SLC22A16: variants seen among roughly 807,000 people sequenced by gnomAD.
SLC22A16 encodes the protein WUGSC:RG331P03.1.
Under a neutral mutation model 52.9 loss-of-function variants are expected in SLC22A16, and 53 were observed. That is an observed-to-expected ratio of 1.00 (90% CI 0.80 to 1.26). The LOEUF (loss-of-function observed/expected upper bound fraction) is 1.26. SLC22A16 is among the 50% of genes most tolerant of loss of function. The pLI is 0.00. For synonymous variants in SLC22A16, 291 were observed against 268.8 expected (o/e 1.08, Z -0.81); for missense variants, 726 against 704.0 (o/e 1.03, Z -0.35).
intron 2 of SLC22A16, among the ~76,000 whole-genome samples, chr6:110,449,296 C>T (rs1462788409): frequency 2.0e-5 from 3 of 151,916 alleles, no homozygotes; most frequent in Non-Finnish European, 2.9e-5. Context: ...GATGACCCGC[C>T]TGCCTCAAAG....
chr6:110,431,070 G>T, intron 7 of SLC22A16, 101 bp downstream of exon 7: 2 of 965,036 alleles, frequency 2.1e-6, no homozygotes, highest in Non-Finnish European at 3.3e-6. Context: ...ATTAGGAAAT[G>T]ATGTACTGGC....
At chr6:110,435,443 C>A (rs1372593015) in intron 6 of SLC22A16, among the ~76,000 whole-genome samples, 1 of 152,132 alleles carries the variant, frequency 6.6e-6, no homozygotes, top group East Asian at 1.9e-4. Context: ...GGACTTCCAG[C>A]CTCCAGTACT....
At position 110,442,334 on chromosome 6, in the gene SLC22A16, T is replaced by G. The variant is rs752723105; in HGVS notation, c.1093A>C (p.Ile365Leu). 1 of 1,614,184 alleles carries G rather than the reference T, an allele frequency of 6.2e-7. No homozygotes were observed. Among genetic ancestry groups the G allele is most frequent in the Non-Finnish European group, 8.5e-7 (1 of 1,180,024 alleles). The change falls in exon 4 of 8, where the codon ATC becomes CTC. Residue 365 changes from isoleucine (I) to leucine (L), a missense_variant. By Grantham distance (5) the Ile-to-Leu change is conservative (BLOSUM62 2). Transcript: ENST00000368919. ...AATCCCAAACTTCCAGTGAACCAGA[T>G]TAGCCAAACGGTAAGTGTCCTTTTC... ...ITKRTLTVWL[I>L]WFTGSLGFYS...
intron 6 of SLC22A16, among the ~76,000 whole-genome samples, chr6:110,433,919 CA>C (rs1774608323): frequency 6.6e-6 from 1 of 152,002 alleles, no homozygotes; most frequent in Admixed American, 6.6e-5. Context: ...CTTTAAAATA[CA>C]GGATCATTTT....
At chr6:110,473,939 T>C (rs1022744241) in intron 1 of SLC22A16, among the ~76,000 whole-genome samples, 1 of 152,062 alleles carries the variant, frequency 6.6e-6, no homozygotes, top group Non-Finnish European at 1.5e-5. Flanking sequence ...CCCCAGGCCA[T>C]AGACCAGACT....
intron 6 of SLC22A16, among the ~76,000 whole-genome samples, chr6:110,431,717 C>T (rs898158514): frequency 3.9e-5 from 6 of 152,094 alleles, no homozygotes; most frequent in East Asian, 1.9e-4. Context: ...CGTAAAAAAA[C>T]GTAAGCTTGA....
At chr6:110,461,735 ACCCTTGGC>A (rs1198784668) in intron 1 of SLC22A16, among the ~76,000 whole-genome samples, 2 of 151,992 alleles carry the variant, frequency 1.3e-5, no homozygotes, top group Non-Finnish European at 2.9e-5. Flanking sequence ...ACCCATAGAG[ACCCTTGGC>A]CCCCTGAAAG....
intron 4 of SLC22A16, among the ~76,000 whole-genome samples, chr6:110,441,669 C>T (rs1443490944): frequency 6.6e-6 from 1 of 152,096 alleles, no homozygotes; most frequent in Non-Finnish European, 1.5e-5. Context: ...AGAAAAATGC[C>T]TGGGAAACAT....
intron 1 of SLC22A16, among the ~76,000 whole-genome samples, chr6:110,461,021 C>T (rs986788180): frequency 6.6e-6 from 1 of 152,238 alleles, no homozygotes; most frequent in Admixed American, 6.5e-5. Flanking sequence ...GCAGCAGAGG[C>T]TTTCCCTGCT....
chr6:110,444,906 G>A (rs952530509), intron 3 of SLC22A16, among the ~76,000 whole-genome samples: 4 of 152,150 alleles, frequency 2.6e-5, no homozygotes, highest in Admixed American at 2.0e-4. Context: ...AAATTAAGCT[G>A]TAATATTTGT....
chr6:110,447,011 A>G, intron 2 of SLC22A16, 21 bp from the exon 3 acceptor site: 2 of 1,589,456 alleles, frequency 1.3e-6, no homozygotes, highest in East Asian at 2.2e-5. Flanking sequence ...AGAGTCACAC[A>G]GTGGAAGAGG....
intron 3 of SLC22A16, among the ~76,000 whole-genome samples, chr6:110,444,804 A>G (rs193275919): frequency 3.2e-4 from 48 of 152,344 alleles, no homozygotes; most frequent in African/African-American, 1.1e-3. Context: ...TCGGGACCCT[A>G]CATCTAACAA....
At chr6:110,471,813 C>A (rs61359324) in intron 1 of SLC22A16, among the ~76,000 whole-genome samples, 25,846 of 152,082 alleles carry the variant, frequency 0.17, 2,854 homozygotes, top group African/African-American at 0.31. Flanking sequence ...CACTTTTCTG[C>A]ATATATGTAA....
intron 7 of SLC22A16, among the ~76,000 whole-genome samples, chr6:110,426,696 C>T (rs1774268490): frequency 6.6e-6 from 1 of 152,178 alleles, no homozygotes. Flanking sequence ...AAGCCTATAA[C>T]CCCAGCATTT....
intron 3 of SLC22A16, among the ~76,000 whole-genome samples, chr6:110,443,624 T>C (rs894779815): frequency 2.6e-4 from 40 of 152,178 alleles, no homozygotes; most frequent in East Asian, 1.7e-3. Flanking sequence ...GGAAAAACAG[T>C]ATGACGATTC....
Position 110,424,961 on chromosome 6 carries a change from T to C in SLC22A16, c.1646A>G (p.Lys549Arg). The change falls in exon 8 of 8, where the codon AAG (lysine) becomes AGG (arginine). Residue 549 changes from lysine (K) to arginine (R), a missense_variant. Physicochemically the swap from Lys to Arg is conservative, Grantham distance 26. Coordinates refer to ENST00000368919, the MANE Select transcript of SLC22A16 (RefSeq NM_033125.4). ...AGTTGTGAGAAGTAATTTGCTTGAC[T>C]TGCTTTCATTCTCTGACTCCAGTTT... ...AAKLESENESKSSKLLLTTNN... is the reference protein window; with the variant it reads ...AAKLESENESRSSKLLLTTNN... 2 of 1,614,218 alleles carry C rather than the reference T, an allele frequency of 1.2e-6. No individual in the cohort carries two copies. Among genetic ancestry groups the C allele is most frequent in the Non-Finnish European group, 1.7e-6 (2 of 1,180,044 alleles).
At chr6:110,468,471 C>G (rs1004351229) in intron 1 of SLC22A16, among the ~76,000 whole-genome samples, 1 of 151,948 alleles carries the variant, frequency 6.6e-6, no homozygotes, top group Non-Finnish European at 1.5e-5. Flanking sequence ...ATGGTGAAAC[C>G]CTGTTTCTAC....
intron 1 of SLC22A16, among the ~76,000 whole-genome samples, chr6:110,469,839 C>T (rs34882165): frequency 0.091 from 13,922 of 152,246 alleles, 645 homozygotes; most frequent in Middle Eastern, 0.17. Context: ...AATAATAAAA[C>T]TTGACTTCCC....
intron 1 of SLC22A16, 34 bp downstream of exon 1, chr6:110,476,488 T>C (rs752258569): frequency 3.6e-6 from 3 of 842,590 alleles, no homozygotes; most frequent in South Asian, 1.8e-5. Context: ...CGGCGCCGCC[T>C]CCCGCGTGGC....
Sources: gnomAD v4.1 joint callset for allele counts (sites outside exome capture counted in the v4.1 genomes callset) on GRCh38, gnomAD v4.1.1 for gene constraint, MANE v1.5 for transcripts, NCBI Gene and HGNC (gene_info 2026-07-23, HGNC 2026-07-21) for gene names.